Variants in MOXD1 observed in about 807,000 individuals in gnomAD.
MOXD1 encodes monooxygenase DBH like 1.
Under a neutral mutation model 66.6 loss-of-function variants are expected in MOXD1, and 62 were observed. The observed-to-expected ratio is 0.93, with a 90% CI of 0.76 to 1.15. The LOEUF (loss-of-function observed/expected upper bound fraction) is 1.15. Ranked by LOEUF, MOXD1 falls within the 50% of genes most tolerant of loss-of-function variation. MOXD1 has a pLI of 0.00. For missense variants in MOXD1, 847 were observed against 754.6 expected (o/e 1.12, Z -1.44); for synonymous variants, 303 against 281.9 (o/e 1.07, Z -0.75).
intron 9 of MOXD1, among the ~76,000 whole-genome samples, chr6:132,317,034 C>A (rs1404394893): frequency 6.6e-6 from 1 of 151,606 alleles, no homozygotes; most frequent in Non-Finnish European, 1.5e-5. Context: ...TTGAAAGGAG[C>A]AAGAGAAAAA....
chr6:132,339,831 CAATGTT>C (rs1775513051), intron 4 of MOXD1, among the ~76,000 whole-genome samples: 1 of 149,934 alleles, frequency 6.7e-6, no homozygotes, highest in Non-Finnish European at 1.5e-5. Context: ...GAAGATAATA[CAATGTT>C]AAGGGCAAGC....
intron 4 of MOXD1, among the ~76,000 whole-genome samples, chr6:132,329,196 T>C (rs1293395277): frequency 6.6e-6 from 1 of 152,148 alleles, no homozygotes; most frequent in Non-Finnish European, 1.5e-5. Context: ...TTCCCACCTA[T>C]GAGTGAGAAC....
intron 5 of MOXD1, 104 bp from the exon 6 acceptor site, chr6:132,328,219 C>T: frequency 8.3e-7 from 1 of 1,209,320 alleles, no homozygotes; most frequent in South Asian, 1.4e-5. Flanking sequence ...CCCTCTGGAA[C>T]CCCATTCATC....
intron 4 of MOXD1, among the ~76,000 whole-genome samples, chr6:132,338,493 G>A (rs916733534): frequency 6.6e-6 from 1 of 152,138 alleles, no homozygotes; most frequent in African/African-American, 2.4e-5. Context: ...GCCCAGATGG[G>A]ACATGTTCTC....
chr6:132,359,566 A>T (rs1279455823), intron 4 of MOXD1, among the ~76,000 whole-genome samples: 3 of 146,380 alleles, frequency 2.0e-5, no homozygotes, highest in Non-Finnish European at 4.4e-5. Context: ...GGCTCACTGC[A>T]AGCTCCGCCT....
intron 4 of MOXD1, among the ~76,000 whole-genome samples, chr6:132,350,280 C>A (rs370628141): frequency 6.6e-5 from 10 of 152,164 alleles, no homozygotes; most frequent in African/African-American, 2.2e-4. Flanking sequence ...AGTCCTTAAT[C>A]CATCTTGAAT....
Position 132,303,662 on chromosome 6 carries a change from G to A in MOXD1, c.1509-5707C>T, listed in dbSNP as rs188063770. 6.8e-4 allele frequency among the ~76,000 whole-genome samples: 99 copies of A among 145,920 alleles called. 1 individual carries two copies. The Middle Eastern group carries it at 0.019, about 27-fold the overall frequency. On this transcript the variant is annotated intron_variant, in intron 10 of 11. Coordinates refer to ENST00000367963, the MANE Select transcript of MOXD1 (RefSeq NM_015529.4). ...GAAGTTGGTTGAATCCATGGATGCA[G>A]AATCCATGTTCTGCATCTGGGAAAG...
intron 2 of MOXD1, 107 bp from the exon 3 acceptor site, chr6:132,373,104 G>C (rs1473812030): frequency 6.5e-6 from 7 of 1,074,056 alleles, no homozygotes; most frequent in Non-Finnish European, 9.0e-6. Context: ...GTGAAGAAAA[G>C]ACAATAATGA....
chr6:132,339,016 A>G (rs188166339), intron 4 of MOXD1, among the ~76,000 whole-genome samples: 7 of 152,342 alleles, frequency 4.6e-5, no homozygotes, highest in South Asian at 2.1e-4. Flanking sequence ...CAATATTTCA[A>G]AATCTAATTT....
intron 4 of MOXD1, among the ~76,000 whole-genome samples, chr6:132,349,000 G>T (rs1020800399): frequency 2.0e-5 from 3 of 151,446 alleles, no homozygotes; most frequent in Admixed American, 6.6e-5. Context: ...TTTTTCCAAG[G>T]GTTACGGGGG....
chr6:132,314,457 C>T (rs1774898143), intron 10 of MOXD1, among the ~76,000 whole-genome samples: 1 of 152,212 alleles, frequency 6.6e-6, no homozygotes, highest in South Asian at 2.1e-4. Flanking sequence ...CTTCCCTTTG[C>T]ACTTAAAGCC....
chr6:132,350,411 C>T (rs900798263), intron 4 of MOXD1, among the ~76,000 whole-genome samples: 12 of 152,110 alleles, frequency 7.9e-5, no homozygotes, highest in African/African-American at 2.9e-4. Flanking sequence ...TCTTTGTTTG[C>T]TTTGTCGAAG....
chr6:132,345,373 T>C (rs1775649755), intron 4 of MOXD1, among the ~76,000 whole-genome samples: 1 of 152,194 alleles, frequency 6.6e-6, no homozygotes, highest in Non-Finnish European at 1.5e-5. Flanking sequence ...TATTATCTGC[T>C]TAATGCTGGC....
chr6:132,399,931 C>T (rs1359967935), intron 1 of MOXD1, among the ~76,000 whole-genome samples: 1 of 152,188 alleles, frequency 6.6e-6, no homozygotes, highest in Non-Finnish European at 1.5e-5. Context: ...AATATTTATA[C>T]ATCAGTGACT....
At position 132,365,005 on chromosome 6, in the gene MOXD1, ATACTT is replaced by A. The variant is rs554226156; in HGVS notation, c.663+7598_663+7602del. On this transcript the variant is annotated intron_variant, in intron 4 of 11. Coordinates refer to ENST00000367963, the MANE Select transcript of MOXD1 (RefSeq NM_015529.4). ...GGTTTCAGAATTTGATTTGTTGTGAATACTTTACATTTGCAGCCTTTCTGTGTTTA... is the reference window on the plus strand; with the variant it reads ...GGTTTCAGAATTTGATTTGTTGTGAATACATTTGCAGCCTTTCTGTGTTTA... Among the ~76,000 whole-genome samples, 590 of 152,294 alleles carry A rather than the reference ATACTT, an allele frequency of 3.9e-3. 5 individuals are homozygous for A. The highest frequency in any genetic ancestry group is 0.024 in the Middle Eastern group (7 of 294).
At chr6:132,386,418 C>CAAAAA (rs1776641104) in intron 1 of MOXD1, among the ~76,000 whole-genome samples, 2 of 79,114 alleles carry the variant, frequency 2.5e-5, no homozygotes, top group African/African-American at 8.9e-5. Context: ...CAAAACAAAA[C>CAAAAA]AAAACAAAAC....
chr6:132,395,169 A>T (rs922042869), intron 1 of MOXD1, among the ~76,000 whole-genome samples: 18 of 152,170 alleles, frequency 1.2e-4, no homozygotes, highest in African/African-American at 4.3e-4. Flanking sequence ...AAAGGAAAAA[A>T]AACTGCCAAC....
At chr6:132,367,657 T>C (rs1317334126) in intron 4 of MOXD1, among the ~76,000 whole-genome samples, 6 of 152,100 alleles carry the variant, frequency 3.9e-5, no homozygotes, top group Admixed American at 6.6e-5. Context: ...TGCCTGATCA[T>C]AATAGTTGAG....
intron 1 of MOXD1, among the ~76,000 whole-genome samples, chr6:132,393,998 G>A (rs1776822120): frequency 6.6e-6 from 1 of 152,122 alleles, no homozygotes; most frequent in South Asian, 2.1e-4. Flanking sequence ...CAGCATACCT[G>A]CTACCCAGAA....
Sources: allele counts gnomAD v4.1 joint callset (sites outside exome capture counted in the v4.1 genomes callset), GRCh38; gene constraint gnomAD v4.1.1; transcripts MANE v1.5; gene names NCBI Gene and HGNC (gene_info 2026-07-23, HGNC 2026-07-21).